The following SCN9A variants were observed in gnomAD, a reference collection of about 807,000 sequenced individuals.
The protein encoded by SCN9A is sodium voltage-gated channel alpha subunit 9, also known as sodium channel protein type 9 subunit alpha.
In SCN9A, 131 loss-of-function variants were observed where a neutral mutation model predicts 187.0. That is an observed-to-expected ratio of 0.70 (90% CI 0.61 to 0.81). The LOEUF is 0.81. Ranked by LOEUF, SCN9A falls within the 30% of genes least tolerant of loss-of-function variation. The pLI is 0.00. For synonymous variants in SCN9A, 809 were observed against 808.6 expected, an observed-to-expected ratio of 1.00 and a Z score of -0.01; for missense variants, 2,252 against 2,396.6, an observed-to-expected ratio of 0.94 and a Z score of 1.26.
At chr2:166,339,765 T>C (rs191126523) in intron 1 of SCN9A, among the ~76,000 whole-genome samples, 1 of 152,298 alleles carries the variant, frequency 6.6e-6, no homozygotes, top group Non-Finnish European at 1.5e-5. Flanking sequence ...ATCAGACTTT[T>C]AAATTAAATA....
At chr2:166,340,846 C>T (rs1210939533) in intron 1 of SCN9A, among the ~76,000 whole-genome samples, 1 of 151,982 alleles carries the variant, frequency 6.6e-6, no homozygotes. Context: ...TGGTCTTGAA[C>T]TCCTGGGCTC....
rs750980200 is a variant in SCN9A at position 166,199,770 on chromosome 2, T to C, written c.4869A>G (p.Leu1623=). The C allele has an allele frequency of 2.2e-5, 36 of 1,613,858 alleles. No homozygotes were observed. Among genetic ancestry groups the C allele is most frequent in the Middle Eastern group, 1.6e-4 (1 of 6,084 alleles). The change falls in exon 27 of 27, where the codon CTA becomes CTG. Residue 1623 remains leucine (L), a synonymous_variant. Transcript: ENST00000642356. ...RLARIGRILR[L]VKGAKGIRTL... ...TGCGGATCCCCTTTGCTCCTTTGAC[T>C]AGACGTAGGATTCGGCCAATCCTGG... is the stretch of plus-strand genomic sequence containing the variant.
In SCN9A at chr2:166,227,048, TGA is replaced by T. The variant is rs372528844; in HGVS notation, c.4261-346_4261-345del. Reference sequence around the variant, plus strand: ...ATGTTATTTCCAAAAGTACTGTAAATGAGACATTATCATATTTATACACATTT... The same window carrying T: ...ATGTTATTTCCAAAAGTACTGTAAATGACATTATCATATTTATACACATTT... On this transcript the variant is annotated intron_variant, in intron 23 of 26. Coordinates refer to ENST00000642356, the MANE Select transcript of SCN9A (RefSeq NM_001365536.1). 4.6e-4 allele frequency among the ~76,000 whole-genome samples: 70 copies of T among 152,180 alleles called. 1 individual carries two copies. The East Asian group carries it at 0.013, about 28-fold the overall frequency.
intron 1 of SCN9A, among the ~76,000 whole-genome samples, chr2:166,360,657 C>T (rs1700262103): frequency 6.6e-6 from 1 of 152,148 alleles, no homozygotes; most frequent in African/African-American, 2.4e-5. Flanking sequence ...ATTAGCTCTG[C>T]AGCATTATGC....
chr2:166,356,636 T>G (rs1700157057), intron 1 of SCN9A, among the ~76,000 whole-genome samples: 1 of 152,196 alleles, frequency 6.6e-6, no homozygotes, highest in Admixed American at 6.5e-5. Context: ...ACAACCACAG[T>G]ACCAACCCCT....
chr2:166,235,975 A>G lies in SCN9A; in HGVS notation c.3801+2119T>C, dbSNP rs73969629. Among the ~76,000 whole-genome samples the G allele has an allele frequency of 3.2e-3, 493 of 152,078 alleles. 5 individuals are homozygous for G. The highest frequency in any genetic ancestry group is 0.011 in the African/African-American group (464 of 41,510). The stretch of plus-strand genomic sequence containing the variant: ...AAAATAAGTTCAATTTTACTTGTAA[A>G]CCTTCATTTCTTACACTGAATGATG... On this transcript the variant is annotated intron_variant, in intron 20 of 26. Coordinates refer to ENST00000642356, the MANE Select transcript of SCN9A (RefSeq NM_001365536.1).
rs199807483 is a variant in SCN9A at position 166,198,112 on chromosome 2, T to G, written c.*560A>C. Reference sequence around the variant, plus strand: ...CACATATAAATTGGTTCTGATGCAATGTAGAATAAATTTAAGCACCTCAAA... The same window carrying G: ...CACATATAAATTGGTTCTGATGCAAGGTAGAATAAATTTAAGCACCTCAAA... On this transcript the variant is annotated 3_prime_UTR_variant, in exon 27 of 27. Coordinates refer to ENST00000642356, the MANE Select transcript of SCN9A (RefSeq NM_001365536.1). The G allele has an allele frequency of 4.6e-5, 7 of 152,372 alleles. No homozygotes were observed. Among genetic ancestry groups the G allele is most frequent in the Non-Finnish European group, 1.0e-4 (7 of 68,206 alleles). 9.4% of individuals were successfully genotyped at this position (152,372 alleles called of 1,614,324 possible).
At chr2:166,286,268 C>T in intron 11 of SCN9A, 68 bp downstream of exon 11, 1 of 1,465,614 alleles carries the variant, frequency 6.8e-7, no homozygotes, top group Non-Finnish European at 9.2e-7. Flanking sequence ...GTTCTCTTAC[C>T]CTAAAATAAG....
chr2:166,343,841 A>G lies in SCN9A; in HGVS notation c.-51+31856T>C, dbSNP rs181186118. On this transcript the variant is annotated intron_variant, in intron 1 of 26. Transcript: ENST00000642356. ...AAGAAAAGAAAAAGTGGAGATAGCA[A>G]TTATCCCCATCTTCATTATATTATT... Among the ~76,000 whole-genome samples the G allele has an allele frequency of 2.4e-4, 37 of 152,280 alleles. No homozygotes were observed. In the East Asian group the frequency reaches 6.4e-3, roughly 26 times the overall value.
At chr2:166,277,698 T>A (rs1037653350) in intron 15 of SCN9A, 3 of 228,840 alleles carry the variant, frequency 1.3e-5, no homozygotes, top group Non-Finnish European at 2.6e-5. Context: ...TTAGATAAAA[T>A]CTAGCATATT....
At position 166,195,623 on chromosome 2, in the gene SCN9A, C is replaced by T. The variant is rs1195473250; in HGVS notation, c.*3049G>A. On this transcript the variant is annotated 3_prime_UTR_variant, in exon 27 of 27. Coordinates refer to ENST00000642356, the MANE Select transcript of SCN9A (RefSeq NM_001365536.1). Reference sequence around the variant, plus strand: ...GCTATCAAAACTCTATAAAATCATGCTAAGTATTTTGGGTTGTGATGTTCA... The same window carrying T: ...GCTATCAAAACTCTATAAAATCATGTTAAGTATTTTGGGTTGTGATGTTCA... 1 of 152,118 alleles carries T rather than the reference C, an allele frequency of 6.6e-6. No individual in the cohort carries two copies. Among genetic ancestry groups the T allele is most frequent in the Non-Finnish European group, 1.5e-5 (1 of 68,020 alleles). 9.4% of individuals were successfully genotyped at this position (152,118 alleles called of 1,614,324 possible). A position where few individuals can be genotyped will look rare whatever the true frequency, so the allele number is the denominator to read the frequency against.
chr2:166,204,488 AT>A, intron 24 of SCN9A, 24 bp from the exon 25 acceptor site: 1 of 1,449,236 alleles, frequency 6.9e-7, no homozygotes, highest in Non-Finnish European at 9.5e-7. Context: ...CAAAAAATAA[AT>A]GTAGTTAAAA....
intron 1 of SCN9A, among the ~76,000 whole-genome samples, chr2:166,351,203 A>T (rs1363034527): frequency 6.6e-6 from 1 of 152,192 alleles, no homozygotes; most frequent in East Asian, 1.9e-4. Flanking sequence ...GAATAATACA[A>T]AACAAAAACC....
At chr2:166,281,382 C>G (rs1287149514) in intron 13 of SCN9A, among the ~76,000 whole-genome samples, 5 of 152,176 alleles carry the variant, frequency 3.3e-5, no homozygotes, top group Admixed American at 3.3e-4. Context: ...TATTAAATCA[C>G]TTATCTTTGA....
Position 166,332,346 on chromosome 2 carries a change from A to G in SCN9A, c.-50-20540T>C, listed in dbSNP as rs1356616739. Among the ~76,000 whole-genome samples the G allele has an allele frequency of 2.6e-5, 4 of 152,266 alleles. No individual in the cohort carries two copies. The South Asian group carries it at 6.2e-4, about 24-fold the overall frequency. ...AATGCATGAGTACCCAACAACTTCC[A>G]ATAAATCTCCATTTGGCTTGGGACA... On this transcript the variant is annotated intron_variant, in intron 1 of 26. Coordinates refer to ENST00000642356, the MANE Select transcript of SCN9A (RefSeq NM_001365536.1).
intron 1 of SCN9A, among the ~76,000 whole-genome samples, chr2:166,347,455 C>T (rs1699927585): frequency 6.6e-6 from 1 of 152,158 alleles, no homozygotes; most frequent in Admixed American, 6.5e-5. Flanking sequence ...GAAAATCACC[C>T]TGGGAGATCA....
In SCN9A at chr2:166,199,410, A is replaced by T; in HGVS notation, c.5229T>A (p.Tyr1743Ter). 6.2e-7 allele frequency: 1 copy of T among 1,614,242 alleles called. No homozygotes were observed. ...CCACAACCAGGAAGGATATGATGAT[A>T]TAACTAACAAAGTAGAATATTCCAA... ...PSVGIFYFVS[Y>*]IIISFLVVVN... Residue 1743 changes from tyrosine (Y) to a stop codon, truncating the protein, a stop_gained, in exon 27 of 27, where the codon TAT (tyrosine) becomes TAA (stop). Coordinates refer to ENST00000642356, the MANE Select transcript of SCN9A (RefSeq NM_001365536.1). LOFTEE classifies it high-confidence loss of function.
intron 18 of SCN9A, among the ~76,000 whole-genome samples, chr2:166,245,947 G>T (rs909675427): frequency 6.6e-6 from 1 of 151,948 alleles, no homozygotes; most frequent in African/African-American, 2.4e-5. Flanking sequence ...TCTAATTAGT[G>T]CATTGATCCA....
At chr2:166,313,073 G>A (rs912744925) in intron 1 of SCN9A, among the ~76,000 whole-genome samples, 20 of 148,398 alleles carry the variant, frequency 1.3e-4, no homozygotes, top group Non-Finnish European at 2.1e-4. Context: ...TTAATTTTCT[G>A]AATAGTAAAT....
Sources: allele counts gnomAD v4.1 joint callset (sites outside exome capture counted in the v4.1 genomes callset), GRCh38; gene constraint gnomAD v4.1.1; transcripts MANE v1.5; gene names NCBI Gene and HGNC (gene_info 2026-07-23, HGNC 2026-07-21).